LAMA1: variants seen among roughly 807,000 people sequenced by gnomAD.
The protein encoded by LAMA1 is laminin subunit alpha 1.
A neutral mutation model predicts 348.7 loss-of-function variants in LAMA1; 219 were observed. That is an observed-to-expected ratio of 0.63 (90% CI 0.56 to 0.70). LAMA1 has a LOEUF of 0.70. LAMA1 is among the 30% of genes least tolerant of loss of function. The pLI is 0.00. For missense variants in LAMA1, 3,744 were observed against 3,888.0 expected, an observed-to-expected ratio of 0.96 and a Z score of 0.99; for synonymous variants, 1,487 against 1,491.0, an observed-to-expected ratio of 1.00 and a Z score of 0.06.
chr18:6,958,644 C>T lies in LAMA1; in HGVS notation c.7797G>A (p.Leu2599=). The change falls in exon 55 of 63, where the codon TTG becomes TTA. Residue 2599 remains leucine (L), a synonymous_variant. Transcript: ENST00000389658. ...VRNRRIITVQ[L]DENNPVEMKL... ...TCATTTCCACAGGATTGTTCTCATC[C>T]AATTGGACAGTGATAATTCTAAAAG... 6.2e-7 allele frequency: 1 copy of T among 1,613,804 alleles called. No homozygotes were observed. Among genetic ancestry groups the T allele is most frequent in the African/African-American group, 1.3e-5 (1 of 75,014 alleles).
At chr18:7,017,104 C>T (rs554917592) in intron 20 of LAMA1, among the ~76,000 whole-genome samples, 174 bp downstream of exon 20, 8 of 152,286 alleles carry the variant, frequency 5.3e-5, no homozygotes, top group Admixed American at 3.9e-4. Context: ...CCCAACCATG[C>T]GAAACTGTGA....
chr18:6,988,311 T>C (rs1023309896), intron 36 of LAMA1, among the ~76,000 whole-genome samples: 1 of 152,224 alleles, frequency 6.6e-6, no homozygotes, highest in African/African-American at 2.4e-5. Context: ...TCTCAAACTA[T>C]GTTCCTCTAC....
rs776072436 is a variant in LAMA1, at chr18:7,015,747, C to A, written c.3101G>T (p.Gly1034Val). The A allele has an allele frequency of 2.5e-6, 4 of 1,613,944 alleles. No homozygotes were observed. In the African/African-American group the frequency reaches 4.0e-5, roughly 16 times the overall value. Residue 1034 changes from glycine (G) to valine (V), a missense_variant, in exon 22 of 63, where the codon GGC becomes GTC. Coordinates refer to ENST00000389658, the MANE Select transcript of LAMA1 (RefSeq NM_005559.4). ...KCEECEDGHW[G>V]YDAEVGCQAC... ...CTGGCACCCCACCTCCGCATCGTAG[C>A]CCCAGTGCCCATCCTCACATTCTTC...
intron 12 of LAMA1, among the ~76,000 whole-genome samples, chr18:7,036,529 T>C (rs1157729642): frequency 1.3e-5 from 2 of 152,198 alleles, no homozygotes; most frequent in African/African-American, 4.8e-5. Context: ...AAGGTGTTTC[T>C]TCTGATTAGA....
In LAMA1 at chr18:7,002,378, C is replaced by T. The variant is rs1159731329; in HGVS notation, c.4268G>A (p.Gly1423Asp). The change falls in exon 30 of 63, where the codon GGC becomes GAC. Residue 1423 changes from glycine to aspartate, a missense_variant. Coordinates refer to ENST00000389658, the MANE Select transcript of LAMA1 (RefSeq NM_005559.4). ...ACAATGGTCACCTGCTGTGTTATCG[C>T]CACAGTTCTGGGAGCCCACATTTAA... ...DPNTGKCLNC[G>D]DNTAGDHCDV... The T allele has an allele frequency of 1.2e-6, 2 of 1,613,498 alleles. No individual in the cohort carries two copies. Among genetic ancestry groups the T allele is most frequent in the East Asian group, 2.2e-5 (1 of 44,864 alleles).
At chr18:7,062,244 A>G (rs551583970) in intron 3 of LAMA1, among the ~76,000 whole-genome samples, 5 of 152,182 alleles carry the variant, frequency 3.3e-5, no homozygotes, top group South Asian at 2.1e-4. Flanking sequence ...GGGAAGGCCC[A>G]TTAACTCTGG....
intron 55 of LAMA1, among the ~76,000 whole-genome samples, chr18:6,957,796 T>TTTTTTTTTTTG (rs1568007133): frequency 6.6e-6 from 1 of 152,046 alleles, no homozygotes; most frequent in African/African-American, 2.4e-5. Context: ...TTTTTTTTTC[T>TTTTTTTTTTTG]GAGACAGAGT....
intron 22 of LAMA1, among the ~76,000 whole-genome samples, chr18:7,015,087 A>G (rs745535460): frequency 6.6e-6 from 1 of 152,118 alleles, no homozygotes; most frequent in Non-Finnish European, 1.5e-5. Flanking sequence ...TGACCTTGTG[A>G]TCTGCCCACC....
intron 1 of LAMA1, among the ~76,000 whole-genome samples, chr18:7,089,036 T>C (rs1293637954): frequency 6.6e-6 from 1 of 151,408 alleles, no homozygotes; most frequent in Non-Finnish European, 1.5e-5. Flanking sequence ...ATGCTGAGAA[T>C]AGGTCCACAA....
At chr18:6,955,650 T>A in intron 56 of LAMA1, 185 bp from the exon 57 acceptor site, 1 of 688,106 alleles carries the variant, frequency 1.5e-6, no homozygotes, top group Non-Finnish European at 2.7e-6. Flanking sequence ...TTTATCTCCC[T>A]GAAGAAAGCA....
intron 29 of LAMA1, among the ~76,000 whole-genome samples, chr18:7,005,621 C>A (rs1279357295): frequency 1.3e-5 from 2 of 152,112 alleles, no homozygotes; most frequent in African/African-American, 4.8e-5. Context: ...TGGTGGCAGG[C>A]GCCTGTAATC....
chr18:7,025,476 G>C (rs960893809), intron 17 of LAMA1, among the ~76,000 whole-genome samples: 3 of 152,164 alleles, frequency 2.0e-5, no homozygotes, highest in Admixed American at 2.0e-4. Flanking sequence ...TGGGGCCCAC[G>C]GCCAGGTGAG....
chr18:6,966,898 T>C (rs1224250402), intron 48 of LAMA1, among the ~76,000 whole-genome samples: 1 of 152,244 alleles, frequency 6.6e-6, no homozygotes, highest in African/African-American at 2.4e-5. Flanking sequence ...GTGTGTTTTC[T>C]GGTCTTCTCC....
chr18:7,061,861 G>A (rs865995348), intron 3 of LAMA1, among the ~76,000 whole-genome samples: 10 of 152,190 alleles, frequency 6.6e-5, no homozygotes, highest in African/African-American at 2.2e-4. Context: ...CTGTGGGCCA[G>A]TACCTGTGCG....
Position 7,115,814 on chromosome 18 carries a change from C to CAAAAAAAAAAAAAAAAAAAAAAAA in LAMA1, c.61+1845_61+1846insTTTTTTTTTTTTTTTTTTTTTTTT, listed in dbSNP as rs557585224. On this transcript the variant is annotated intron_variant, in intron 1 of 62. Transcript: ENST00000389658. Reference sequence around the variant, plus strand: ...TGAAACCCTGTCTCCACTAAAAATACAAAAAAAAAAAAAAAAAAATAGCCG... The same window carrying CAAAAAAAAAAAAAAAAAAAAAAAA: ...TGAAACCCTGTCTCCACTAAAAATACAAAAAAAAAAAAAAAAAAAAAAAAAAAAAAAAAAAAAAAAAAATAGCCG... 1.9e-4 allele frequency among the ~76,000 whole-genome samples: 18 copies of CAAAAAAAAAAAAAAAAAAAAAAAA among 94,804 alleles called. 1 individual carries two copies. Among genetic ancestry groups the CAAAAAAAAAAAAAAAAAAAAAAAA allele is most frequent in the Admixed American group, 2.6e-4 (2 of 7,608 alleles). The allele number at this position is 94,804 out of a possible 152,430, so 62.2% of individuals were successfully genotyped here. A position where few individuals can be genotyped will look rare whatever the true frequency, so the allele number is the denominator to read the frequency against.
At chr18:7,115,254 T>C (rs1957712435) in intron 1 of LAMA1, among the ~76,000 whole-genome samples, 1 of 152,216 alleles carries the variant, frequency 6.6e-6, no homozygotes, top group Non-Finnish European at 1.5e-5. Context: ...TGAATTTTCT[T>C]GTAGATTTTT....
intron 17 of LAMA1, 36 bp downstream of exon 17, chr18:7,025,943 T>C: frequency 6.3e-7 from 1 of 1,589,776 alleles, no homozygotes; most frequent in Non-Finnish European, 8.6e-7. Flanking sequence ...ATCCTGGCCA[T>C]GCTGGCAGGA....
At chr18:7,058,177 CAT>C (rs2058089981) in intron 3 of LAMA1, among the ~76,000 whole-genome samples, 1 of 152,038 alleles carries the variant, frequency 6.6e-6, no homozygotes, top group South Asian at 2.1e-4. Context: ...AGAGCTTAGT[CAT>C]ATATAAGAAA....
At chr18:7,040,736 C>T (rs1022601935) in intron 9 of LAMA1, among the ~76,000 whole-genome samples, 1 of 152,110 alleles carries the variant, frequency 6.6e-6, no homozygotes, top group Non-Finnish European at 1.5e-5. Flanking sequence ...AAAGTAGAAA[C>T]AATTCAAATG....
Sources: gnomAD v4.1 joint callset for allele counts (sites outside exome capture counted in the v4.1 genomes callset) on GRCh38, gnomAD v4.1.1 for gene constraint, MANE v1.5 for transcripts, NCBI Gene and HGNC (gene_info 2026-07-23, HGNC 2026-07-21) for gene names.